The following PRR3 variants were observed in gnomAD, a reference collection of about 807,000 sequenced individuals.
The protein encoded by PRR3 is proline rich 3, also known as proline-rich protein 3.
PRR3 carries 16 observed loss-of-function variants against 22.4 expected under a neutral mutation model. The observed-to-expected ratio is 0.71, with a 90% confidence interval of 0.48 to 1.09. The LOEUF is 1.09. Ranked by LOEUF, PRR3 falls within the 50% of genes least tolerant of loss-of-function variation. The pLI, the probability that PRR3 is intolerant of heterozygous loss-of-function variation, is 0.00. For missense variants in PRR3, 224 were observed against 243.4 expected, an observed-to-expected ratio of 0.92 and a Z score of 0.53; for synonymous variants, 87 against 88.6, an observed-to-expected ratio of 0.98 and a Z score of 0.10.
rs772595794 is a variant in PRR3 at position 30,557,349 on chromosome 6, C to T, written c.5C>T (p.Pro2Leu). 3 of 1,611,984 alleles carry T rather than the reference C, an allele frequency of 1.9e-6. No homozygotes were observed. Among genetic ancestry groups the T allele is most frequent in the Non-Finnish European group, 2.5e-6 (3 of 1,179,654 alleles). The change falls in exon 1 of 4, where the codon CCG (proline) becomes CTG (leucine). Residue 2 changes from proline to leucine, a missense_variant. Transcript: ENST00000376560. ...GCAGCCATTGCCGCAGACACGATGC[C>T]GAAACGAAAGAAGCAGAATCATCAC... M[P>L]KRKKQNHHQP...
chr6:30,558,594 G>A (rs184064789), intron 2 of PRR3, among the ~76,000 whole-genome samples: 1 of 152,280 alleles, frequency 6.6e-6, no homozygotes, highest in Non-Finnish European at 1.5e-5. Context: ...GGAGGCTGAG[G>A]TGCGAGGATC....
In PRR3 at chr6:30,562,491, T is replaced by C; in HGVS notation, c.563T>C (p.Leu188Pro). 2.5e-6 allele frequency: 4 copies of C among 1,586,370 alleles called. No homozygotes were observed. The highest frequency in any genetic ancestry group is 3.5e-6 in the Non-Finnish European group (4 of 1,155,148). Reference protein sequence around the residue: ...FYHPGVNGPPL With the variant: ...FYHPGVNGPPP The stretch of plus-strand genomic sequence containing the variant: ...CATCCAGGCGTCAATGGACCTCCTC[T>C]GTGAGACTGTGCCTTCCCATCCAGG... Residue 188 changes from leucine (L) to proline (P), a missense_variant, in exon 4 of 4, where the codon CTG becomes CCG. Transcript: ENST00000376560.
rs771044587 is a variant in PRR3, at chr6:30,561,871, G to A, written c.207G>A (p.Leu69=). Residue 69 remains leucine, a synonymous_variant, in exon 3 of 4, where the codon CTG becomes CTA. Transcript: ENST00000376560. The surrounding 1 kb of genome is among the most constrained non-coding windows in gnomAD (Gnocchi z 4.0). The part of the protein sequence containing the change: ...HRGPPGSRGP[L]IPPLLSLPPP... ...GTCCTCCAGGATCAAGGGGACCACT[G>A]ATTCCACCACTGCTGAGTCTCCCAC... 3.0e-5 allele frequency: 48 copies of A among 1,588,664 alleles called. No homozygotes were observed. The highest frequency in any genetic ancestry group is 3.9e-5 in the Non-Finnish European group (45 of 1,168,002).
chr6:30,561,910 T>C lies in PRR3; in HGVS notation c.246T>C (p.Gly82=). The C allele has an allele frequency of 6.2e-7, 1 of 1,611,926 alleles. No homozygotes were observed. The highest frequency in any genetic ancestry group is 1.3e-5 in the African/African-American group (1 of 74,934). ...PLLSLPPPPW[G]RGPIRRGLGP... ...TGAGTCTCCCACCTCCTCCTTGGGG[T>C]AGAGGCCCAATTCGGAGAGGGCTTG... Residue 82 remains glycine (G), a synonymous_variant, in exon 3 of 4, where the codon GGT becomes GGC. Coordinates refer to ENST00000376560, the MANE Select transcript of PRR3 (RefSeq NM_025263.4). This position sits in a 1 kb window ranked among gnomAD's most constrained non-coding sequence, Gnocchi z 4.0.
intron 2 of PRR3, among the ~76,000 whole-genome samples, chr6:30,559,171 T>G (rs1329514774): frequency 6.6e-6 from 1 of 152,038 alleles, no homozygotes; most frequent in African/African-American, 2.4e-5. Context: ...AGGTCAGCAG[T>G]TCAAGACCAG....
chr6:30,559,794 C>T (rs1233087491), intron 2 of PRR3, among the ~76,000 whole-genome samples: 2 of 151,622 alleles, frequency 1.3e-5, no homozygotes, highest in African/African-American at 2.4e-5. Flanking sequence ...AGAACTCCTG[C>T]TTCCAGGTAT....
chr6:30,563,060 C>CT lies in PRR3; in HGVS notation c.*566dup, dbSNP rs1800751027. ...CCTGCCTTTGGATTTCATAGTTTCTCTGTCAGTAGCATGATCCCCACCGCT... is the reference window on the plus strand; with the variant it reads ...CCTGCCTTTGGATTTCATAGTTTCTCTTGTCAGTAGCATGATCCCCACCGCT... On this transcript the variant is annotated 3_prime_UTR_variant, in exon 4 of 4. Transcript: ENST00000376560. 6.5e-6 allele frequency: 1 copy of CT among 152,754 alleles called. No individual in the cohort carries two copies. Among genetic ancestry groups the CT allele is most frequent in the Non-Finnish European group, 1.5e-5 (1 of 68,208 alleles). The allele number at this position is 152,754 out of a possible 1,614,324, so 9.5% of individuals were successfully genotyped here.
Position 30,563,112 on chromosome 6 carries a change from T to C in PRR3, c.*617T>C, listed in dbSNP as rs1264198841. Reference sequence around the variant, plus strand: ...TGGTCTATCTATGATCACCGTGCTTTGTGAAACTGTGCATCCCCTTGTAGC... The same window carrying C: ...TGGTCTATCTATGATCACCGTGCTTCGTGAAACTGTGCATCCCCTTGTAGC... On this transcript the variant is annotated 3_prime_UTR_variant, in exon 4 of 4. Transcript: ENST00000376560. The C allele has an allele frequency of 6.6e-6, 1 of 152,670 alleles. No homozygotes were observed. The highest frequency in any genetic ancestry group is 1.5e-5 in the Non-Finnish European group (1 of 68,072). The allele number at this position is 152,670 out of a possible 1,614,324, so 9.5% of individuals were successfully genotyped here. A position where few individuals can be genotyped will look rare whatever the true frequency, so the allele number is the denominator to read the frequency against.
At chr6:30,556,822 C>T (rs2127384604), upstream of PRR3, 1 of 516,624 alleles carries the variant, frequency 1.9e-6, no homozygotes, top group Non-Finnish European at 3.5e-6. The surrounding 1 kb of genome is among the most constrained non-coding windows in gnomAD (Gnocchi z 5.7). Flanking sequence ...ACCCAAATTC[C>T]TTGTGGGAAC....
intron 3 of PRR3, 85 bp downstream of exon 3, chr6:30,562,209 T>C: frequency 6.9e-7 from 1 of 1,452,894 alleles, no homozygotes. Context: ...GGCTTTCCTT[T>C]TTGCTTTTGA....
intron 2 of PRR3, chr6:30,560,567 G>C (rs1800562077): frequency 6.6e-6 from 1 of 151,714 alleles, no homozygotes; most frequent in Admixed American, 6.6e-5. Context: ...GGCGGATCAT[G>C]AGATCAGGAA....
In PRR3 at chr6:30,562,386, C is replaced by T; in HGVS notation, c.461-3C>T. On this transcript the variant is annotated splice_polypyrimidine_tract_variant and splice_region_variant and intron_variant, in intron 3 of 3. Coordinates refer to ENST00000376560, the MANE Select transcript of PRR3 (RefSeq NM_025263.4). ...TAACTGTTCCATTTTCACTTGTTCA[C>T]AGACAAATCCGACCGCCCTGTCTGC... The T allele has an allele frequency of 6.2e-7, 1 of 1,611,020 alleles. No homozygotes were observed. The highest frequency in any genetic ancestry group is 8.5e-7 in the Non-Finnish European group (1 of 1,177,576).
At chr6:30,559,809 CAA>C (rs775433258) in intron 2 of PRR3, among the ~76,000 whole-genome samples, 1 of 139,634 alleles carries the variant, frequency 7.2e-6, no homozygotes, top group Admixed American at 7.2e-5. Flanking sequence ...AGGTATATAT[CAA>C]AAAAAAAAAA....
rs1449504495 is a variant in PRR3 at position 30,561,756 on chromosome 6, AT to A, written c.170-71del. The A allele has an allele frequency of 5.1e-6, 7 of 1,379,836 alleles. No homozygotes were observed. Among genetic ancestry groups the A allele is most frequent in the Non-Finnish European group, 6.7e-6 (7 of 1,039,850 alleles). 85.5% of individuals were successfully genotyped at this position (1,379,836 alleles called of 1,614,324 possible). A position where few individuals can be genotyped will look rare whatever the true frequency, so the allele number is the denominator to read the frequency against. On this transcript the variant is annotated intron_variant, in intron 2 of 3. Coordinates refer to ENST00000376560, the MANE Select transcript of PRR3 (RefSeq NM_025263.4). This position sits in a 1 kb window ranked among gnomAD's most constrained non-coding sequence, Gnocchi z 4.0. ...TGTATGCTGTTCTTCAATAAAAAAAATTTTTTTAATCACGGTTTATCAGGAT... is the reference window on the plus strand; with the variant it reads ...TGTATGCTGTTCTTCAATAAAAAAAATTTTTTAATCACGGTTTATCAGGAT...
At position 30,558,208 on chromosome 6, in the gene PRR3, G is replaced by A. The variant is rs757581124; in HGVS notation, c.165G>A (p.Lys55=). 1 of 1,612,988 alleles carries A rather than the reference G, an allele frequency of 6.2e-7. No individual in the cohort carries two copies. Among genetic ancestry groups the A allele is most frequent in the Non-Finnish European group, 8.5e-7 (1 of 1,179,940 alleles). ...CCAATGGAAAACCTGGCGACCCTAA[G>A]TCAGGTGAGGAGGAAGGGGCCCTGA... is the stretch of plus-strand genomic sequence containing the variant. The part of the protein sequence containing the change: ...PMANGKPGDP[K]SALHRGPPGS... Residue 55 remains lysine (K), a synonymous_variant, in exon 2 of 4, where the codon AAG becomes AAA. Coordinates refer to ENST00000376560, the MANE Select transcript of PRR3 (RefSeq NM_025263.4).
chr6:30,557,677 G>A (rs758301085), intron 1 of PRR3, among the ~76,000 whole-genome samples: 1 of 152,238 alleles, frequency 6.6e-6, no homozygotes, highest in Admixed American at 6.5e-5. Context: ...AGGCGGGGGT[G>A]GAGAGAATAA....
At chr6:30,558,403 C>G in intron 2 of PRR3, 191 bp downstream of exon 2, 1 of 582,148 alleles carries the variant, frequency 1.7e-6, no homozygotes, top group African/African-American at 1.9e-5. Context: ...AATTGATAAA[C>G]AGATTTCATG....
chr6:30,559,662 C>G (rs1800494168), intron 2 of PRR3, among the ~76,000 whole-genome samples: 1 of 152,100 alleles, frequency 6.6e-6, no homozygotes, highest in Non-Finnish European at 1.5e-5. Context: ...AATTAGAACT[C>G]TTGTGTACTG....
At chr6:30,558,287 G>A in intron 2 of PRR3, 75 bp downstream of exon 2, 2 of 1,237,684 alleles carry the variant, frequency 1.6e-6, no homozygotes, top group South Asian at 2.5e-5. Context: ...AACCCAGGAA[G>A]GACTTAAAAA....
Sources: allele counts gnomAD v4.1 joint callset (sites outside exome capture counted in the v4.1 genomes callset), GRCh38; gene constraint gnomAD v4.1.1; non-coding constraint Gnocchi (gnomAD v3.1); transcripts MANE v1.5; gene names NCBI Gene and HGNC (gene_info 2026-07-23, HGNC 2026-07-21).